The following AFF3 variants were observed in gnomAD, a reference collection of about 807,000 sequenced individuals.
The protein encoded by AFF3 is ALF transcription elongation factor 3, also known as AF4/FMR2 family member 3.
Under a neutral mutation model 129.7 loss-of-function variants are expected in AFF3, and 32 were observed. The observed-to-expected ratio is 0.25, with a 90% confidence interval of 0.19 to 0.33. The LOEUF (loss-of-function observed/expected upper bound fraction) is 0.33. Among genes scored for constraint, AFF3 ranks in the 10% least tolerant of loss-of-function variants. The pLI, the probability that AFF3 is intolerant of heterozygous loss-of-function variation, is 1.00. For synonymous variants in AFF3, 644 were observed against 635.4 expected (o/e 1.01, Z -0.20); for missense variants, 1,373 against 1,592.0 (o/e 0.86, Z 2.34).
intron 4 of AFF3, among the ~76,000 whole-genome samples, chr2:100,053,588 C>T (rs907885088): frequency 6.6e-6 from 1 of 152,142 alleles, no homozygotes; most frequent in Non-Finnish European, 1.5e-5. Context: ...GGGAGCACAG[C>T]CTATTATGAT....
At position 99,618,224 on chromosome 2, in the gene AFF3, C is replaced by CTTTTTTTTTTT. The variant is rs70940180; in HGVS notation, c.1185-16614_1185-16604dup. 9.5e-4 allele frequency among the ~76,000 whole-genome samples: 76 copies of CTTTTTTTTTTT among 80,080 alleles called. 16 individuals carry two copies. Among genetic ancestry groups the CTTTTTTTTTTT allele is most frequent in the African/African-American group, 3.8e-3 (68 of 17,690 alleles). 52.5% of individuals were successfully genotyped at this position (80,080 alleles called of 152,430 possible). ...TAGATGAGAAAATGCTCATAACATT[C>CTTTTTTTTTTT]TTTTTTTTTTTTTTTTTTTTTTTTT... On this transcript the variant is annotated intron_variant, in intron 13 of 24. Transcript: ENST00000672756.
intron 7 of AFF3, among the ~76,000 whole-genome samples, chr2:99,852,085 A>G (rs1220712284): frequency 6.6e-6 from 1 of 152,190 alleles, no homozygotes; most frequent in Non-Finnish European, 1.5e-5. Flanking sequence ...TGAGCCAAGC[A>G]GGCACCCCAG....
intron 7 of AFF3, among the ~76,000 whole-genome samples, chr2:99,969,139 G>A (rs1678088057): frequency 6.6e-6 from 1 of 152,190 alleles, no homozygotes; most frequent in Non-Finnish European, 1.5e-5. Context: ...TTGGGTATAA[G>A]GGAGAGGAGA....
chr2:99,590,812 G>T (rs962079670), intron 15 of AFF3, among the ~76,000 whole-genome samples: 8 of 152,004 alleles, frequency 5.3e-5, no homozygotes, highest in African/African-American at 1.9e-4. Context: ...GACCAACAAT[G>T]GTGAAACCCC....
At chr2:99,928,055 T>A (rs1461526577) in intron 7 of AFF3, among the ~76,000 whole-genome samples, 1 of 152,230 alleles carries the variant, frequency 6.6e-6, no homozygotes, top group Non-Finnish European at 1.5e-5. Context: ...AAGATGTGAC[T>A]TGCTCCTCCT....
intron 7 of AFF3, among the ~76,000 whole-genome samples, chr2:99,905,741 C>A (rs1259759058): frequency 6.6e-6 from 1 of 152,172 alleles, no homozygotes; most frequent in African/African-American, 2.4e-5. Context: ...AAAAATTAAG[C>A]ACTCCACTTC....
intron 1 of AFF3, among the ~76,000 whole-genome samples, chr2:100,140,189 C>T (rs1378300805): frequency 6.6e-6 from 1 of 152,134 alleles, no homozygotes; most frequent in East Asian, 1.9e-4. Context: ...GGACATTACA[C>T]CCACTTCACA....
At chr2:99,673,117 G>T (rs975068517) in intron 11 of AFF3, among the ~76,000 whole-genome samples, 8 of 150,642 alleles carry the variant, frequency 5.3e-5, no homozygotes, top group South Asian at 2.1e-4. Flanking sequence ...ACAATTACTT[G>T]TTTAGTGTTT....
intron 12 of AFF3, among the ~76,000 whole-genome samples, chr2:99,664,252 T>A (rs1686482265): frequency 6.6e-6 from 1 of 152,228 alleles, no homozygotes; most frequent in Admixed American, 6.5e-5. Context: ...TGGAACCTCA[T>A]CCAGTGTGAA....
In AFF3 at chr2:100,007,489, T is replaced by C. The variant is rs113399034; in HGVS notation, c.175-29A>G. The C allele has an allele frequency of 5.7e-5, 90 of 1,585,064 alleles. 2 individuals carry two copies. Among genetic ancestry groups the C allele is most frequent in the African/African-American group, 5.7e-4 (42 of 74,226 alleles). On this transcript the variant is annotated intron_variant, in intron 5 of 24. Transcript: ENST00000672756. Reference sequence around the variant, plus strand: ...GAGAAAGAAAAACACATCCACGCTATTGTTAGAGACAACAGAAACACCGGA... The same window carrying C: ...GAGAAAGAAAAACACATCCACGCTACTGTTAGAGACAACAGAAACACCGGA...
At chr2:99,704,810 T>C (rs901913479) in intron 11 of AFF3, among the ~76,000 whole-genome samples, 1 of 152,156 alleles carries the variant, frequency 6.6e-6, no homozygotes, top group Non-Finnish European at 1.5e-5. Context: ...GGGGTGTACC[T>C]TACAGGAACA....
At chr2:99,590,742 C>T (rs1320928129) in intron 15 of AFF3, among the ~76,000 whole-genome samples, 1 of 152,068 alleles carries the variant, frequency 6.6e-6, no homozygotes, top group African/African-American at 2.4e-5. Context: ...CCTGTAATCC[C>T]AGCACTTTAG....
At position 99,549,744 on chromosome 2, in the gene AFF3, T is replaced by C. The variant is rs1674278891; in HGVS notation, c.*1730A>G. 9.1e-6 allele frequency: 2 copies of C among 219,666 alleles called. No homozygotes were observed. Among genetic ancestry groups the C allele is most frequent in the Admixed American group, 5.8e-5 (1 of 17,244 alleles). 13.6% of individuals were successfully genotyped at this position (219,666 alleles called of 1,614,324 possible). A position where few individuals can be genotyped will look rare whatever the true frequency, so the allele number is the denominator to read the frequency against. The stretch of plus-strand genomic sequence containing the variant: ...TCAAATCATCTAAGTTGTTCAGTCA[T>C]TTATACAATTTTGAATCAGTGCTCA... On this transcript the variant is annotated 3_prime_UTR_variant, in exon 25 of 25. Transcript: ENST00000672756.
intron 10 of AFF3, among the ~76,000 whole-genome samples, chr2:99,739,979 C>T (rs1368677446): frequency 5.0e-5 from 6 of 119,750 alleles, no homozygotes; most frequent in African/African-American, 2.0e-4. Flanking sequence ...CACCCCACAA[C>T]AGTCCCCAGA....
At chr2:99,638,551 C>T (rs938398036) in intron 13 of AFF3, among the ~76,000 whole-genome samples, 2 of 152,068 alleles carry the variant, frequency 1.3e-5, no homozygotes, top group Non-Finnish European at 2.9e-5. Flanking sequence ...GGGGCTGTGC[C>T]CAGCTGTCCC....
intron 7 of AFF3, among the ~76,000 whole-genome samples, chr2:99,922,802 T>C (rs998639920): frequency 3.3e-5 from 5 of 152,166 alleles, no homozygotes; most frequent in African/African-American, 1.2e-4. Context: ...ATGCCTAGAT[T>C]CTTTTCTACC....
intron 8 of AFF3, among the ~76,000 whole-genome samples, chr2:99,835,581 T>C (rs773938610): frequency 6.6e-6 from 1 of 151,942 alleles, no homozygotes; most frequent in Non-Finnish European, 1.5e-5. Flanking sequence ...TACTAACGCC[T>C]TAGGCTGACA....
At chr2:99,931,192 G>A (rs1696648927) in intron 7 of AFF3, among the ~76,000 whole-genome samples, 1 of 152,158 alleles carries the variant, frequency 6.6e-6, no homozygotes, top group Non-Finnish European at 1.5e-5. Context: ...ACTTTGGTTA[G>A]TTTATGCCCC....
chr2:100,006,432 A>C lies in AFF3; in HGVS notation c.873+200T>G, dbSNP rs1208145157. On this transcript the variant is annotated intron_variant, in intron 7 of 24. Transcript: ENST00000672756. ...ACAACTGCATTTGCTGGAACTCTAA[A>C]AATTCAAATTATAATAAATTTGAGA... 4 of 644,648 alleles carry C rather than the reference A, an allele frequency of 6.2e-6. No homozygotes were observed. In the South Asian group the frequency reaches 1.1e-4, roughly 17 times the overall value. The allele number at this position is 644,648 out of a possible 1,614,324, so 39.9% of individuals were successfully genotyped here. A position where few individuals can be genotyped will look rare whatever the true frequency, so the allele number is the denominator to read the frequency against.
Sources: allele counts gnomAD v4.1 joint callset (sites outside exome capture counted in the v4.1 genomes callset), GRCh38; gene constraint gnomAD v4.1.1; transcripts MANE v1.5; gene names NCBI Gene and HGNC (gene_info 2026-07-23, HGNC 2026-07-21).